The following HGS variants were observed in gnomAD, a reference collection of about 807,000 sequenced individuals.
HGS encodes the protein human growth factor-regulated tyrosine kinase substrate.
HGS carries 63 observed loss-of-function variants against 109.7 expected under a neutral mutation model. The observed-to-expected ratio is 0.57, with a 90% CI of 0.47 to 0.71. The LOEUF (loss-of-function observed/expected upper bound fraction) is 0.71. HGS is among the 30% of genes least tolerant of loss of function. The pLI, the probability that HGS is intolerant of heterozygous loss-of-function variation, is 0.00. For missense variants in HGS, 995 were observed against 1,068.3 expected (o/e 0.93, Z 0.96); for synonymous variants, 546 against 437.3 (o/e 1.25, Z -3.10).
intron 1 of HGS, 122 bp downstream of exon 1, chr17:81,684,225 G>C: frequency 1.1e-6 from 1 of 927,842 alleles, no homozygotes; most frequent in Non-Finnish European, 1.5e-6. Context: ...CCTCTCCCCG[G>C]CCCGCTGTCC....
intron 18 of HGS, among the ~76,000 whole-genome samples, chr17:81,698,712 C>T (rs2037190619): frequency 6.6e-6 from 1 of 152,168 alleles, no homozygotes; most frequent in Non-Finnish European, 1.5e-5. Flanking sequence ...TATGTGAATA[C>T]AAGTGCACAG....
chr17:81,696,327 G>A, intron 15 of HGS, 30 bp from the exon 16 acceptor site: 1 of 1,528,724 alleles, frequency 6.5e-7, no homozygotes. Context: ...GTGCCGGAGT[G>A]GTCAGGGTTG....
intron 6 of HGS, chr17:81,690,451 G>T: frequency 1.6e-6 from 1 of 635,344 alleles, no homozygotes; most frequent in Non-Finnish European, 2.7e-6. Context: ...TAGGGGGCTC[G>T]GGAAAGGAAA....
At chr17:81,697,823 CT>C (rs2037178166) in intron 18 of HGS, 1 of 152,078 alleles carries the variant, frequency 6.6e-6, no homozygotes, top group African/African-American at 2.4e-5. Flanking sequence ...TTTATTTTTT[CT>C]TTCAAAGGTG....
chr17:81,684,582 T>C (rs2036941454), intron 1 of HGS: 1 of 157,666 alleles, frequency 6.3e-6, no homozygotes, highest in Non-Finnish European at 1.4e-5. Context: ...GACCCACCTT[T>C]TGTTCCCACA....
chr17:81,697,515 TG>T (rs1490803033), intron 18 of HGS: 1 of 152,424 alleles, frequency 6.6e-6, no homozygotes, highest in African/African-American at 2.4e-5. Context: ...TTTCTCAGAG[TG>T]GCAGCCGAGG....
intron 5 of HGS, 139 bp downstream of exon 5, chr17:81,688,966 AG>A: frequency 8.4e-7 from 1 of 1,195,978 alleles, no homozygotes; most frequent in East Asian, 2.5e-5. Flanking sequence ...GCCTGGAGCC[AG>A]GGAAGACCGT....
chr17:81,695,474 C>T (rs765142789), intron 14 of HGS, among the ~76,000 whole-genome samples: 3 of 152,226 alleles, frequency 2.0e-5, no homozygotes, highest in Non-Finnish European at 4.4e-5. Context: ...TCCAGAGCAG[C>T]CTAGAACCAT....
Position 81,695,020 on chromosome 17 carries a change from GC to G in HGS, c.1073del (p.Ala358ValfsTer52). On this transcript the variant is annotated frameshift_variant, in exon 13 of 22. Transcript: ENST00000329138. LOFTEE classifies it high-confidence loss of function. ...PSAPVPLTEP[A>X]AQPGEGHAAP... is the part of the protein sequence containing the mutation. ...TGCGCCCGTGCCCCTGACGGAGCCG[GC>G]TGCACAGCCTGGGGAAGGGCACGCA... The G allele has an allele frequency of 6.2e-7, 1 of 1,614,066 alleles. No individual in the cohort carries two copies. The highest frequency in any genetic ancestry group is 8.5e-7 in the Non-Finnish European group (1 of 1,180,014).
chr17:81,693,701 G>A lies in HGS; in HGVS notation c.789G>A (p.Leu263=). ...CGGCCCTGCAGGAGGAGGAGGAGCTGCAGCTGGCCCTGGCGCTGTCACAGT... is the reference window on the plus strand; with the variant it reads ...CGGCCCTGCAGGAGGAGGAGGAGCTACAGCTGGCCCTGGCGCTGTCACAGT... The part of the protein sequence containing the change: ...DETALQEEEE[L]QLALALSQSE... The change falls in exon 10 of 22, where the codon CTG becomes CTA. Residue 263 remains leucine (L), a synonymous_variant. Coordinates refer to ENST00000329138, the MANE Select transcript of HGS (RefSeq NM_004712.5). The A allele has an allele frequency of 6.4e-7, 1 of 1,558,922 alleles. No homozygotes were observed. The highest frequency in any genetic ancestry group is 8.7e-7 in the Non-Finnish European group (1 of 1,151,178).
intron 18 of HGS, chr17:81,697,290 C>A: frequency 2.8e-6 from 1 of 353,384 alleles, no homozygotes. Context: ...CAGGCTCAGC[C>A]CTCATGGACT....
Position 81,691,682 on chromosome 17 carries a change from C to G in HGS, c.662+111C>G. The stretch of plus-strand genomic sequence containing the variant: ...GCCTGCAGACCCCAGAGGACCCTCA[C>G]AGCACAGCAGCTGGAAGGTCAAGGG... On this transcript the variant is annotated intron_variant, in intron 8 of 21. Coordinates refer to ENST00000329138, the MANE Select transcript of HGS (RefSeq NM_004712.5). The surrounding 1 kb of genome is among the most constrained non-coding windows in gnomAD (Gnocchi z 5.3). 1 of 1,381,282 alleles carries G rather than the reference C, an allele frequency of 7.2e-7. No individual in the cohort carries two copies. Among genetic ancestry groups the G allele is most frequent in the Non-Finnish European group, 1.0e-6 (1 of 992,512 alleles). The allele number at this position is 1,381,282 out of a possible 1,614,324, so 85.6% of individuals were successfully genotyped here.
chr17:81,701,329 A>T (rs1394026787), intron 21 of HGS, 179 bp from the exon 22 acceptor site: 1 of 830,286 alleles, frequency 1.2e-6, no homozygotes, highest in Non-Finnish European at 1.9e-6. Context: ...GCAAGTGTAG[A>T]CAGGAAAAAC....
At position 81,686,877 on chromosome 17, in the gene HGS, C is replaced by T. The variant is rs144824782; in HGVS notation, c.199-126C>T. On this transcript the variant is annotated intron_variant, in intron 3 of 21. Transcript: ENST00000329138. ...AAGGGCTCTGCTGTCCCACCGGGTTCCCCACCGGCCACTGACGGGCCTGTC... is the reference window on the plus strand; with the variant it reads ...AAGGGCTCTGCTGTCCCACCGGGTTTCCCACCGGCCACTGACGGGCCTGTC... The T allele has an allele frequency of 9.8e-3, 6,982 of 714,146 alleles. 390 individuals are homozygous for T. The African/African-American group carries it at 0.11, about 11-fold the overall frequency. The allele number at this position is 714,146 out of a possible 1,614,324, so 44.2% of individuals were successfully genotyped here.
rs1179927613 is a variant in HGS at position 81,700,931 on chromosome 17, C to T, written c.2137-114C>T. ...GGGCTCCACCCCTTCTGCTCCTCCC[C>T]CTCCACTCTCTGGGTGCTCCCTGTG... On this transcript the variant is annotated intron_variant, in intron 20 of 21. Transcript: ENST00000329138. 1.7e-5 allele frequency: 26 copies of T among 1,521,454 alleles called. No homozygotes were observed. In the South Asian group the frequency reaches 2.5e-4, roughly 15 times the overall value. 94.2% of individuals were successfully genotyped at this position (1,521,454 alleles called of 1,614,324 possible). A position where few individuals can be genotyped will look rare whatever the true frequency, so the allele number is the denominator to read the frequency against.
In HGS at chr17:81,686,899, T is replaced by C. The variant is rs938706508; in HGVS notation, c.199-104T>C. 24 of 886,910 alleles carry C rather than the reference T, an allele frequency of 2.7e-5. No homozygotes were observed. The Admixed American group carries it at 5.4e-4, about 20-fold the overall frequency. 54.9% of individuals were successfully genotyped at this position (886,910 alleles called of 1,614,324 possible). A position where few individuals can be genotyped will look rare whatever the true frequency, so the allele number is the denominator to read the frequency against. On this transcript the variant is annotated intron_variant, in intron 3 of 21. Coordinates refer to ENST00000329138, the MANE Select transcript of HGS (RefSeq NM_004712.5). ...GTTCCCCACCGGCCACTGACGGGCC[T>C]GTCGAAGGGCTCTGCTGTCCCACAG...
intron 5 of HGS, 61 bp downstream of exon 5, chr17:81,688,888 A>C: frequency 6.2e-7 from 1 of 1,606,664 alleles, no homozygotes; most frequent in East Asian, 2.2e-5. Context: ...AGTCAGGCTC[A>C]ACGGGCACAG....
chr17:81,697,496 G>A (rs2037172520), intron 18 of HGS: 1 of 152,886 alleles, frequency 6.5e-6, no homozygotes, highest in African/African-American at 2.4e-5. Flanking sequence ...GTGACCATAA[G>A]GCTGTGCTTT....
Position 81,695,293 on chromosome 17 carries a change from C to T in HGS, c.1179+70C>T, listed in dbSNP as rs550091064. 6.3e-5 allele frequency: 94 copies of T among 1,489,376 alleles called. No homozygotes were observed. The African/African-American group carries it at 1.1e-3, about 17-fold the overall frequency. The allele number at this position is 1,489,376 out of a possible 1,614,324, so 92.3% of individuals were successfully genotyped here. The stretch of plus-strand genomic sequence containing the variant: ...CTGGCCCACAGCGCCAGGCACATGG[C>T]ACAGGTGCCTGCCCTAACCAGAGGG... On this transcript the variant is annotated intron_variant, in intron 14 of 21. Coordinates refer to ENST00000329138, the MANE Select transcript of HGS (RefSeq NM_004712.5).
Sources: gnomAD v4.1 joint callset for allele counts (sites outside exome capture counted in the v4.1 genomes callset) on GRCh38, gnomAD v4.1.1 for gene constraint, Gnocchi (gnomAD v3.1) non-coding constraint, MANE v1.5 for transcripts, NCBI Gene and HGNC (gene_info 2026-07-23, HGNC 2026-07-21) for gene names.